The following PTPRD variants were observed in gnomAD, a reference collection of about 807,000 sequenced individuals.
PTPRD encodes protein tyrosine phosphatase receptor type D, also known as receptor-type tyrosine-protein phosphatase delta.
PTPRD carries 34 observed loss-of-function variants against 214.5 expected under a neutral mutation model. The ratio of observed to expected loss-of-function variants is 0.16; its 90% CI spans 0.12 to 0.21. The LOEUF (loss-of-function observed/expected upper bound fraction) is 0.21. Among genes scored for constraint, PTPRD ranks in the 10% least tolerant of loss-of-function variants. The pLI is 1.00. For missense variants in PTPRD, 2,545 were observed against 2,398.7 expected (o/e 1.06, Z -1.27); for synonymous variants, 1,128 against 845.7 (o/e 1.33, Z -5.79).
intron 3 of PTPRD, among the ~76,000 whole-genome samples, chr9:10,254,941 A>G (rs2093125399): frequency 6.6e-6 from 1 of 152,126 alleles, no homozygotes; most frequent in Non-Finnish European, 1.5e-5. Flanking sequence ...TATATATTAC[A>G]ATTTTTTCAC....
At chr9:10,321,175 A>C (rs1424814489) in intron 3 of PTPRD, among the ~76,000 whole-genome samples, 1 of 152,076 alleles carries the variant, frequency 6.6e-6, no homozygotes, top group East Asian at 1.9e-4. Flanking sequence ...TTATTTAAGC[A>C]ATCATTTATA....
chr9:10,050,590 A>AAAAAAAT, intron 3 of PTPRD, among the ~76,000 whole-genome samples: 1 of 137,636 alleles, frequency 7.3e-6, no homozygotes, highest in Non-Finnish European at 1.6e-5. Context: ...AAAAAAAAAA[A>AAAAAAAT]GACTATGTCA....
intron 10 of PTPRD, among the ~76,000 whole-genome samples, chr9:9,167,592 TAA>T (rs558891886): frequency 1.5e-3 from 226 of 151,912 alleles, no homozygotes; most frequent in African/African-American, 5.1e-3. Flanking sequence ...CTGTCCCTAC[TAA>T]AAATACAAAA....
At position 8,866,445 on chromosome 9, in the gene PTPRD, C is replaced by T. The variant is rs574144100; in HGVS notation, c.-103-132499G>A. ...CTGCTCCCATTGTTTTCCTGATTGGCCCCAATCTATGCCCCAACGTGCTGC... is the reference window on the plus strand; with the variant it reads ...CTGCTCCCATTGTTTTCCTGATTGGTCCCAATCTATGCCCCAACGTGCTGC... On this transcript the variant is annotated intron_variant, in intron 11 of 45. Transcript: ENST00000381196. 3.9e-5 allele frequency among the ~76,000 whole-genome samples: 6 copies of T among 152,194 alleles called. No homozygotes were observed. The South Asian group carries it at 6.2e-4, about 16-fold the overall frequency.
chr9:8,650,397 T>G (rs571132946), intron 12 of PTPRD, among the ~76,000 whole-genome samples: 3 of 151,834 alleles, frequency 2.0e-5, no homozygotes, highest in African/African-American at 4.8e-5. Context: ...CAGTGGCACA[T>G]GCCTGTAATC....
At chr9:9,661,337 A>C (rs2096617881) in intron 7 of PTPRD, among the ~76,000 whole-genome samples, 1 of 151,862 alleles carries the variant, frequency 6.6e-6, no homozygotes, top group South Asian at 2.1e-4. Flanking sequence ...AATTAAACTA[A>C]CTGTATATTT....
chr9:9,092,969 A>T (rs965023183), intron 10 of PTPRD, among the ~76,000 whole-genome samples: 10 of 152,168 alleles, frequency 6.6e-5, no homozygotes, highest in African/African-American at 2.4e-4. Flanking sequence ...GGACATAGCT[A>T]GGTTCAAATG....
At chr9:8,575,867 C>T (rs1254943554) in intron 14 of PTPRD, among the ~76,000 whole-genome samples, 1 of 151,968 alleles carries the variant, frequency 6.6e-6, no homozygotes, top group African/African-American at 2.4e-5. Flanking sequence ...CACAGGGTAC[C>T]AAAGATGCAA....
chr9:9,314,808 C>T (rs959774920), intron 9 of PTPRD, among the ~76,000 whole-genome samples: 1 of 151,982 alleles, frequency 6.6e-6, no homozygotes, highest in East Asian at 1.9e-4. Flanking sequence ...GCTATTTACT[C>T]TGTTTTATTT....
chr9:9,537,762 T>C (rs978517017), intron 8 of PTPRD, among the ~76,000 whole-genome samples: 3 of 151,966 alleles, frequency 2.0e-5, no homozygotes, highest in African/African-American at 7.2e-5. Flanking sequence ...AAGTAACTGA[T>C]ATTAAAAACT....
At chr9:8,996,065 AC>A (rs995650848) in intron 11 of PTPRD, among the ~76,000 whole-genome samples, 5 of 152,090 alleles carry the variant, frequency 3.3e-5, no homozygotes, top group Non-Finnish European at 5.9e-5. Flanking sequence ...ATAAAGGTAA[AC>A]ATACACTTTA....
At chr9:9,739,940 C>G (rs1229250085) in intron 6 of PTPRD, among the ~76,000 whole-genome samples, 1 of 151,722 alleles carries the variant, frequency 6.6e-6, no homozygotes, top group Non-Finnish European at 1.5e-5. Flanking sequence ...TAAGAAATTC[C>G]AAAAATATAA....
chr9:9,070,240 C>T (rs924797644), intron 10 of PTPRD, among the ~76,000 whole-genome samples: 17 of 152,290 alleles, frequency 1.1e-4, no homozygotes, highest in Admixed American at 3.3e-4. Context: ...AATTCAAAGA[C>T]GCCAACTTGT....
At chr9:9,807,924 T>C (rs2045941006) in intron 5 of PTPRD, among the ~76,000 whole-genome samples, 1 of 152,144 alleles carries the variant, frequency 6.6e-6, no homozygotes, top group Admixed American at 6.5e-5. Context: ...AGTTTTTATA[T>C]TGTATTTTCA....
chr9:9,339,591 A>T (rs1214522683), intron 9 of PTPRD, among the ~76,000 whole-genome samples: 1 of 152,228 alleles, frequency 6.6e-6, no homozygotes, highest in Non-Finnish European at 1.5e-5. Flanking sequence ...GTTACATAAC[A>T]CATATTTACT....
intron 10 of PTPRD, among the ~76,000 whole-genome samples, chr9:9,101,689 T>G (rs1462661334): frequency 6.6e-6 from 1 of 152,222 alleles, no homozygotes; most frequent in Non-Finnish European, 1.5e-5. Context: ...ACTTGAGACA[T>G]GATGTGTGCC....
chr9:10,177,882 A>G (rs1409634804), intron 3 of PTPRD, among the ~76,000 whole-genome samples: 1 of 151,916 alleles, frequency 6.6e-6, no homozygotes, highest in Non-Finnish European at 1.5e-5. Context: ...ACTTCCTTTT[A>G]TAATTAAAAA....
At chr9:9,348,370 A>G (rs1230189798) in intron 9 of PTPRD, among the ~76,000 whole-genome samples, 1 of 152,152 alleles carries the variant, frequency 6.6e-6, no homozygotes, top group Non-Finnish European at 1.5e-5. Context: ...TTTATTTTCA[A>G]TAAATGCCTA....
chr9:8,738,668 G>C (rs2091114848), intron 11 of PTPRD, among the ~76,000 whole-genome samples: 1 of 151,814 alleles, frequency 6.6e-6, no homozygotes, highest in Admixed American at 6.6e-5. Context: ...TATAATCTAT[G>C]AGTTCATAAT....
Sources: gnomAD v4.1 joint callset for allele counts (sites outside exome capture counted in the v4.1 genomes callset) on GRCh38, gnomAD v4.1.1 for gene constraint, MANE v1.5 for transcripts, NCBI Gene and HGNC (gene_info 2026-07-23, HGNC 2026-07-21) for gene names.